Variants in CHN1 observed in about 807,000 individuals in gnomAD.
The protein encoded by CHN1 is chimerin 1, also known as N-chimaerin.
In CHN1, 37 loss-of-function variants were observed where a neutral mutation model predicts 59.5. That is an observed-to-expected ratio of 0.62 (90% CI 0.48 to 0.82). The LOEUF (loss-of-function observed/expected upper bound fraction) is 0.82. CHN1 is among the 40% of genes least tolerant of loss of function. CHN1 has a pLI of 0.00. For synonymous variants in CHN1, 206 were observed against 200.4 expected, an observed-to-expected ratio of 1.03 and a Z score of -0.24; for missense variants, 469 against 571.0, an observed-to-expected ratio of 0.82 and a Z score of 1.82.
chr2:174,816,130 A>G (rs1271668200), intron 8 of CHN1, among the ~76,000 whole-genome samples: 1 of 126,288 alleles, frequency 7.9e-6, no homozygotes, highest in Non-Finnish European at 1.8e-5. Context: ...TAGAGTTCTC[A>G]CCAGTCTCAG....
intron 5 of CHN1, among the ~76,000 whole-genome samples, chr2:174,899,534 T>G (rs1688322412): frequency 6.6e-6 from 1 of 152,204 alleles, no homozygotes; most frequent in Admixed American, 6.5e-5. Flanking sequence ...GGTTTTAAAT[T>G]TTTCAGTGGT....
chr2:174,962,679 G>A lies in CHN1; in HGVS notation c.20-10477C>T, dbSNP rs1305838872. 1.4e-4 allele frequency among the ~76,000 whole-genome samples: 12 copies of A among 87,524 alleles called. 1 individual carries two copies. Among genetic ancestry groups the A allele is most frequent in the African/African-American group, 4.0e-4 (10 of 24,944 alleles). The allele number at this position is 87,524 out of a possible 152,430, so 57.4% of individuals were successfully genotyped here. ...TGGAAGGCCCGGGGGGGGGGGGGGGGGGGGCAGATCACCTGAGGTCAGGAG... is the reference window on the plus strand; with the variant it reads ...TGGAAGGCCCGGGGGGGGGGGGGGGAGGGGCAGATCACCTGAGGTCAGGAG... On this transcript the variant is annotated intron_variant, in intron 1 of 12. Transcript: ENST00000409900.
chr2:174,853,560 C>T lies in CHN1; in HGVS notation c.550-6603G>A, dbSNP rs555969785. On this transcript the variant is annotated intron_variant, in intron 6 of 12. Transcript: ENST00000409900. ...TGGGGATTTCCCAAATAATTTAAAA[C>T]AGAACTACCATTCGACCCAGCAATC... 7.2e-5 allele frequency among the ~76,000 whole-genome samples: 11 copies of T among 152,244 alleles called. No individual in the cohort carries two copies. In the East Asian group the frequency reaches 2.1e-3, roughly 29 times the overall value.
chr2:174,904,452 G>C (rs1334058966), intron 5 of CHN1, among the ~76,000 whole-genome samples: 1 of 151,770 alleles, frequency 6.6e-6, no homozygotes, highest in Non-Finnish European at 1.5e-5. Context: ...GCAATGGTGC[G>C]ATCTCGGCTC....
intron 5 of CHN1, among the ~76,000 whole-genome samples, chr2:174,910,899 C>CAAAAAAAA (rs10568066): frequency 6.5e-5 from 5 of 76,630 alleles, no homozygotes; most frequent in Non-Finnish European, 1.0e-4. Flanking sequence ...GACTCCGTCT[C>CAAAAAAAA]AAAAAAAAAA....
In CHN1 at chr2:175,004,965, T is replaced by G; in HGVS notation, c.-53A>C. On this transcript the variant is annotated 5_prime_UTR_variant, in exon 1 of 13. Transcript: ENST00000409900. Reference sequence around the variant, plus strand: ...GTCCAGGCGCTCCTCCCAGGCGGGCTAGGGATCACCTCATCAGCCCGCCGC... The same window carrying G: ...GTCCAGGCGCTCCTCCCAGGCGGGCGAGGGATCACCTCATCAGCCCGCCGC... The G allele has an allele frequency of 6.6e-7, 1 of 1,515,582 alleles. No individual in the cohort carries two copies. Among genetic ancestry groups the G allele is most frequent in the South Asian group, 1.2e-5 (1 of 81,568 alleles). 93.9% of individuals were successfully genotyped at this position (1,515,582 alleles called of 1,614,324 possible).
At chr2:174,881,608 G>A (rs545602893) in intron 5 of CHN1, among the ~76,000 whole-genome samples, 63 of 152,162 alleles carry the variant, frequency 4.1e-4, no homozygotes, top group Non-Finnish European at 8.2e-4. Context: ...ATGACAGAAT[G>A]AGTTACCAAC....
intron 11 of CHN1, among the ~76,000 whole-genome samples, chr2:174,804,994 C>T (rs1684843235): frequency 6.6e-6 from 1 of 152,180 alleles, no homozygotes; most frequent in East Asian, 1.9e-4. Flanking sequence ...AAGTATTACC[C>T]ATTACCATTT....
intron 1 of CHN1, among the ~76,000 whole-genome samples, chr2:174,963,736 T>C (rs908503793): frequency 3.9e-5 from 6 of 152,158 alleles, no homozygotes; most frequent in Non-Finnish European, 8.8e-5. Context: ...TGTAGTCAGG[T>C]CCAGCTCACT....
chr2:174,957,454 G>A (rs1370419904), intron 1 of CHN1, among the ~76,000 whole-genome samples: 1 of 136,326 alleles, frequency 7.3e-6, no homozygotes, highest in Non-Finnish European at 1.6e-5. Flanking sequence ...GTTGGGGGGG[G>A]GGGCAGTTAA....
At chr2:174,857,660 A>C (rs548536052) in intron 6 of CHN1, among the ~76,000 whole-genome samples, 1 of 152,284 alleles carries the variant, frequency 6.6e-6, no homozygotes, top group East Asian at 1.9e-4. Context: ...ACTGGGCTTC[A>C]TGAGAAGGTC....
At chr2:174,842,420 T>C (rs574002451) in intron 7 of CHN1, among the ~76,000 whole-genome samples, 4 of 152,306 alleles carry the variant, frequency 2.6e-5, no homozygotes, top group African/African-American at 7.2e-5. Flanking sequence ...TTCAATAAAA[T>C]TTTAATGAAA....
At position 175,005,351 on chromosome 2, in the gene CHN1, G is replaced by A. The variant is rs371647717; in HGVS notation, c.-439C>T. 1.8e-6 allele frequency: 2 copies of A among 1,141,182 alleles called. No homozygotes were observed. The highest frequency in any genetic ancestry group is 1.1e-6 in the Non-Finnish European group (1 of 913,510). 70.7% of individuals were successfully genotyped at this position (1,141,182 alleles called of 1,614,324 possible). A position where few individuals can be genotyped will look rare whatever the true frequency, so the allele number is the denominator to read the frequency against. The stretch of plus-strand genomic sequence containing the variant: ...CGCTCACTCCGCATCCCGCGGCCTC[G>A]CAGACGCCATCTTGCGATAGCGTCT... On this transcript the variant is annotated 5_prime_UTR_variant, in exon 1 of 13. Transcript: ENST00000409900.
intron 6 of CHN1, among the ~76,000 whole-genome samples, chr2:174,851,534 A>T (rs1394944872): frequency 6.6e-6 from 1 of 152,110 alleles, no homozygotes; most frequent in African/African-American, 2.4e-5. Flanking sequence ...CACTGGCCTC[A>T]GCCTCCCAAA....
At chr2:174,945,018 G>A (rs1689784065) in intron 2 of CHN1, 75 bp from the exon 3 acceptor site, 3 of 1,100,826 alleles carry the variant, frequency 2.7e-6, no homozygotes, top group Non-Finnish European at 4.0e-6. Flanking sequence ...ATAAAAACCT[G>A]GCTGCTTTTT....
intron 5 of CHN1, among the ~76,000 whole-genome samples, chr2:174,903,130 C>T (rs1688439432): frequency 1.3e-5 from 2 of 152,164 alleles, no homozygotes; most frequent in South Asian, 2.1e-4. Flanking sequence ...ATAACAACTA[C>T]ATTTACAGAA....
chr2:174,879,812 G>A (rs1687681512), intron 5 of CHN1, among the ~76,000 whole-genome samples: 1 of 152,084 alleles, frequency 6.6e-6, no homozygotes, highest in Non-Finnish European at 1.5e-5. Flanking sequence ...ATTTTACAGT[G>A]GGCATTTCTA....
At chr2:174,840,161 CTTTT>C (rs71407154) in intron 7 of CHN1, among the ~76,000 whole-genome samples, 4 of 67,388 alleles carry the variant, frequency 5.9e-5, no homozygotes, top group African/African-American at 2.3e-4. Flanking sequence ...TAAAACCATT[CTTTT>C]TTTTTTTTTT....
intron 5 of CHN1, among the ~76,000 whole-genome samples, chr2:174,914,068 C>T (rs745835498): frequency 6.6e-6 from 1 of 152,184 alleles, no homozygotes; most frequent in South Asian, 2.1e-4. Context: ...GTTCAAATAG[C>T]AGCAGCACAA....
Sources: gnomAD v4.1 joint callset for allele counts (sites outside exome capture counted in the v4.1 genomes callset) on GRCh38, gnomAD v4.1.1 for gene constraint, MANE v1.5 for transcripts, NCBI Gene and HGNC (gene_info 2026-07-23, HGNC 2026-07-21) for gene names.